Variants in RBM10 observed in about 807,000 individuals in gnomAD.
RBM10 encodes the protein RNA-binding protein 10.
A neutral mutation model predicts 84.9 loss-of-function variants in RBM10; 1 was observed. That is an observed-to-expected ratio of 0.01 (90% CI 0.00 to 0.06). RBM10 has a LOEUF of 0.06. Ranked by LOEUF, RBM10 falls within the 10% of genes least tolerant of loss-of-function variation. RBM10 has a pLI of 1.00. For missense variants in RBM10, 438 were observed against 839.0 expected (o/e 0.52, Z 5.90); for synonymous variants, 326 against 344.5 (o/e 0.95, Z 0.60).
At chrX:47,164,248 T>G (rs1556767993) in intron 2 of RBM10, among the ~76,000 whole-genome samples, 1 of 111,324 alleles carries the variant, frequency 9.0e-6, no homozygotes, top group African/African-American at 3.3e-5. Flanking sequence ...TATTTGTAAA[T>G]AATATATCTG....
chrX:47,166,129 A>G, intron 2 of RBM10, among the ~76,000 whole-genome samples: 1 of 111,883 alleles, frequency 8.9e-6, no homozygotes, highest in African/African-American at 3.2e-5. Flanking sequence ...ATTTTAGGCC[A>G]TGTGCAGTGG....
rs2147178195 is a variant in RBM10, at chrX:47,180,329, G to A, written c.1160+20G>A. On this transcript the variant is annotated intron_variant, in intron 11 of 23. Coordinates refer to ENST00000377604, the MANE Select transcript of RBM10 (RefSeq NM_005676.5). Reference sequence around the variant, plus strand: ...TAAGAGGTCAGGGCCCCACCTGTGTGCCTTCCCACCCTTCCCCTCCCCACC... The same window carrying A: ...TAAGAGGTCAGGGCCCCACCTGTGTACCTTCCCACCCTTCCCCTCCCCACC... 2 of 1,163,464 alleles carry A rather than the reference G, an allele frequency of 1.7e-6. No individual in the cohort carries two copies. The highest frequency in any genetic ancestry group is 2.3e-6 in the Non-Finnish European group (2 of 863,477).
chrX:47,145,863 C>G (rs1439164399), intron 1 of RBM10, among the ~76,000 whole-genome samples: 1 of 99,894 alleles, frequency 1.0e-5, no homozygotes, highest in Non-Finnish European at 2.0e-5. Flanking sequence ...TGGTGTTTAT[C>G]GGTCCATGGG....
At chrX:47,150,692 A>G (rs1178311556) in intron 2 of RBM10, among the ~76,000 whole-genome samples, 10 of 111,914 alleles carry the variant, frequency 8.9e-5, no homozygotes, top group African/African-American at 2.9e-4. Context: ...GATTTGTTCC[A>G]TTGGTCTATT....
Position 47,176,392 on chromosome X carries a change from G to T in RBM10, c.577-108G>T, listed in dbSNP as rs1351661213. ...GCTCTCCGACCTCCCTCCGTTCCCT[G>T]TCCCTCATCCATCCAGCTGAAGGGC... On this transcript the variant is annotated intron_variant, in intron 6 of 23. Transcript: ENST00000377604. 9 of 1,162,394 alleles carry T rather than the reference G, an allele frequency of 7.7e-6. No individual in the cohort carries two copies. The African/African-American group carries it at 1.4e-4, about 18-fold the overall frequency.
intron 10 of RBM10, 72 bp downstream of exon 10, chrX:47,180,112 C>T (rs981875500): frequency 3.3e-6 from 4 of 1,194,372 alleles, no homozygotes; most frequent in Non-Finnish European, 4.5e-6. Context: ...GGTCCTTTTC[C>T]CCAGCCTCCC....
intron 6 of RBM10, 87 bp from the exon 7 acceptor site, chrX:47,176,413 A>G: frequency 8.4e-7 from 1 of 1,187,703 alleles, no homozygotes; most frequent in Non-Finnish European, 1.1e-6. Flanking sequence ...ATCCAGCTGA[A>G]GGGCTCGCTC....
At chrX:47,170,878 C>A (rs889592124) in intron 3 of RBM10, 150 bp from the exon 4 acceptor site, 22 of 564,253 alleles carry the variant, frequency 3.9e-5, no homozygotes, top group Non-Finnish European at 6.2e-5. Context: ...CAGGCCGGGG[C>A]CTGCCCACCC....
chrX:47,148,956 A>AAATGTATCATAGAT (rs1932536415), intron 2 of RBM10, among the ~76,000 whole-genome samples: 3 of 106,557 alleles, frequency 2.8e-5, no homozygotes, highest in Admixed American at 1.0e-4. Flanking sequence ...ATATCATAGA[A>AAATGTATCATAGAT]AATGTATCAT....
At chrX:47,147,646 C>T (rs916454471) in intron 2 of RBM10, 148 bp downstream of exon 2, 44 of 713,968 alleles carry the variant, frequency 6.2e-5, no homozygotes, top group Non-Finnish European at 8.5e-5. Context: ...TGTTTGGCAC[C>T]TGTTGTGAGC....
intron 2 of RBM10, among the ~76,000 whole-genome samples, chrX:47,151,359 G>A (rs1370829636): frequency 9.0e-6 from 1 of 111,723 alleles, no homozygotes; most frequent in Non-Finnish European, 1.9e-5. Flanking sequence ...ATTTGCTGGG[G>A]TAGAGGAAAG....
chrX:47,174,696 G>A (rs935895857), intron 5 of RBM10, among the ~76,000 whole-genome samples: 6 of 110,144 alleles, frequency 5.4e-5, no homozygotes, highest in African/African-American at 1.0e-4. Flanking sequence ...GCTTCTCTCC[G>A]TCTCTGTCAC....
chrX:47,152,404 T>G (rs1212691752), intron 2 of RBM10, among the ~76,000 whole-genome samples: 1 of 108,683 alleles, frequency 9.2e-6, no homozygotes, highest in Non-Finnish European at 1.9e-5. Context: ...ATTACTTGTT[T>G]TAAGTATTTT....
At chrX:47,152,434 T>C (rs1348190726) in intron 2 of RBM10, among the ~76,000 whole-genome samples, 1 of 98,319 alleles carries the variant, frequency 1.0e-5, no homozygotes, top group Non-Finnish European at 2.0e-5. Flanking sequence ...GCTCTATCAC[T>C]CTATATCTTT....
In RBM10 at chrX:47,171,135, G is replaced by C. The variant is rs782783949; in HGVS notation, c.309G>C (p.Arg103=). ...GCTTCCCCCGAGACGGCGACTATCG[G>C]GACCAGGACTATCGGACCGAGCAAG... ...PPGFPRDGDY[R]DQDYRTEQGE... Residue 103 remains arginine (R), a synonymous_variant, in exon 4 of 24, where the codon CGG becomes CGC. Coordinates refer to ENST00000377604, the MANE Select transcript of RBM10 (RefSeq NM_005676.5). The C allele has an allele frequency of 4.1e-6, 5 of 1,208,776 alleles. No individual in the cohort carries two copies. The highest frequency in any genetic ancestry group is 5.6e-6 in the Non-Finnish European group (5 of 894,606).
chrX:47,152,159 C>T (rs950201853), intron 2 of RBM10, among the ~76,000 whole-genome samples: 5 of 112,031 alleles, frequency 4.5e-5, no homozygotes, highest in African/African-American at 1.6e-4. Context: ...TTGCAATAAG[C>T]TGAGATCGTG....
At chrX:47,169,280 C>A in intron 2 of RBM10, 35 bp from the exon 3 acceptor site, 2 of 1,176,170 alleles carry the variant, frequency 1.7e-6, no homozygotes, top group Non-Finnish European at 2.3e-6. Context: ...AAAGGGCAAC[C>A]TTCTGATCCC....
intron 6 of RBM10, among the ~76,000 whole-genome samples, chrX:47,175,444 G>C (rs1310421842): frequency 9.0e-6 from 1 of 110,666 alleles, no homozygotes; most frequent in Admixed American, 9.5e-5. Context: ...CCCCTCTCTG[G>C]GGTTAGCCAG....
intron 2 of RBM10, among the ~76,000 whole-genome samples, chrX:47,156,455 C>A (rs1430358462): frequency 9.0e-6 from 1 of 111,239 alleles, no homozygotes; most frequent in African/African-American, 3.3e-5. Context: ...TAACGCTGGA[C>A]CACTTGATGT....
Sources: gnomAD v4.1 joint callset for allele counts (sites outside exome capture counted in the v4.1 genomes callset) on GRCh38, gnomAD v4.1.1 for gene constraint, MANE v1.5 for transcripts, NCBI Gene and HGNC (gene_info 2026-07-23, HGNC 2026-07-21) for gene names.